The following LUC7L2 variants were observed in gnomAD, a reference collection of about 807,000 sequenced individuals.
LUC7L2 encodes the protein LUC7 like 2, pre-mRNA splicing factor.
Under a neutral mutation model 52.8 loss-of-function variants are expected in LUC7L2, and 25 were observed. The ratio of observed to expected loss-of-function variants is 0.47; its 90% CI spans 0.34 to 0.66. The LOEUF (loss-of-function observed/expected upper bound fraction) is 0.66. LUC7L2 is among the 30% of genes least tolerant of loss of function. LUC7L2 has a pLI of 0.01. For synonymous variants in LUC7L2, 144 were observed against 160.9 expected, an observed-to-expected ratio of 0.89 and a Z score of 0.80; for missense variants, 328 against 497.8, an observed-to-expected ratio of 0.66 and a Z score of 3.25.
At chr7:139,376,834 G>T (rs1290031102) in intron 2 of LUC7L2, among the ~76,000 whole-genome samples, 1 of 152,210 alleles carries the variant, frequency 6.6e-6, no homozygotes, top group Non-Finnish European at 1.5e-5. Context: ...TGGGGAGCTA[G>T]TAGGGGCTAA....
At chr7:139,342,931 G>A (rs1314490956) in intron 1 of LUC7L2, among the ~76,000 whole-genome samples, 1 of 152,160 alleles carries the variant, frequency 6.6e-6, no homozygotes, top group Non-Finnish European at 1.5e-5. Flanking sequence ...TTTCCTTCAG[G>A]CTCACAGCTA....
At chr7:139,374,889 C>T (rs1396572574) in intron 1 of LUC7L2, 1 of 993,620 alleles carries the variant, frequency 1.0e-6, no homozygotes, top group East Asian at 1.1e-4. Context: ...TGTGAAAATA[C>T]AGAAACTAAG....
At chr7:139,392,888 A>G (rs1056472795) in intron 2 of LUC7L2, among the ~76,000 whole-genome samples, 11 of 152,182 alleles carry the variant, frequency 7.2e-5, no homozygotes, top group Non-Finnish European at 1.5e-4. Flanking sequence ...TCCCAACCTC[A>G]GGTGATCTGC....
At chr7:139,414,138 CCTT>C (rs1289022567) in intron 8 of LUC7L2, among the ~76,000 whole-genome samples, 1 of 152,206 alleles carries the variant, frequency 6.6e-6, no homozygotes, top group Non-Finnish European at 1.5e-5. Context: ...TGCCCACCCC[CCTT>C]CTTCACCTCA....
intron 2 of LUC7L2, among the ~76,000 whole-genome samples, chr7:139,381,399 TTTA>T (rs199732403): frequency 0.18 from 19,943 of 113,554 alleles, 3,489 homozygotes; most frequent in African/African-American, 0.54. Context: ...TTTATTTTAT[TTTA>T]TTTTATTTTA....
At chr7:139,402,799 C>T (rs929671143) in intron 4 of LUC7L2, among the ~76,000 whole-genome samples, 3 of 152,208 alleles carry the variant, frequency 2.0e-5, no homozygotes, top group Non-Finnish European at 4.4e-5. Flanking sequence ...GCTGGGATTA[C>T]AGGTGTGAGC....
upstream of LUC7L2, among the ~76,000 whole-genome samples, chr7:139,358,812 G>C (rs1433833205): frequency 6.6e-6 from 1 of 152,008 alleles, no homozygotes; most frequent in Non-Finnish European, 1.5e-5. Context: ...AGCCTCCCGA[G>C]TAGCTGGGGA....
At chr7:139,374,148 C>T (rs1800593944) in intron 1 of LUC7L2, among the ~76,000 whole-genome samples, 1 of 152,120 alleles carries the variant, frequency 6.6e-6, no homozygotes, top group Admixed American at 6.6e-5. Context: ...TTTTTTAAAA[C>T]CCCACTTGGC....
intron 1 of LUC7L2, 134 bp from the exon 2 acceptor site, chr7:139,375,927 TA>T (rs1800684360): frequency 4.8e-6 from 4 of 834,566 alleles, no homozygotes; most frequent in Admixed American, 2.9e-5. Flanking sequence ...AGGATGTATA[TA>T]AAAACTAATC....
upstream of LUC7L2, chr7:139,359,628 C>T (rs991787040): frequency 5.0e-6 from 2 of 396,956 alleles, no homozygotes; most frequent in Non-Finnish European, 8.9e-6. Context: ...GCCATCACCG[C>T]GGGCAGCGCA....
chr7:139,361,481 CT>C (rs1382187341), intron 1 of LUC7L2, among the ~76,000 whole-genome samples: 2 of 152,212 alleles, frequency 1.3e-5, no homozygotes, highest in Non-Finnish European at 2.9e-5. Flanking sequence ...GCATTCAAAT[CT>C]TTCAGCAGTG....
intron 6 of LUC7L2, among the ~76,000 whole-genome samples, chr7:139,408,835 C>CTT (rs1569392486): frequency 1.6e-5 from 2 of 122,352 alleles, no homozygotes; most frequent in East Asian, 4.7e-4. Context: ...GAGCGAGACT[C>CTT]TGTCTCAAAA....
At chr7:139,354,441 A>G (rs1799550258) in intron 1 of LUC7L2, among the ~76,000 whole-genome samples, 1 of 152,138 alleles carries the variant, frequency 6.6e-6, no homozygotes, top group Admixed American at 6.5e-5. Flanking sequence ...GGCTCATTGC[A>G]ACCTCCGCCT....
upstream of LUC7L2, chr7:139,359,585 C>T (rs1191829306): frequency 7.8e-6 from 3 of 383,806 alleles, no homozygotes; most frequent in Non-Finnish European, 1.4e-5. Context: ...CCAGGCTAAC[C>T]TCTAGCGCAT....
At chr7:139,368,640 A>T (rs1270213390) in intron 1 of LUC7L2, among the ~76,000 whole-genome samples, 1 of 149,610 alleles carries the variant, frequency 6.7e-6, no homozygotes, top group African/African-American at 2.5e-5. Flanking sequence ...CGGGAGGCTG[A>T]GGTTGGAGAA....
chr7:139,382,571 C>T (rs1170393248), intron 2 of LUC7L2, among the ~76,000 whole-genome samples: 4 of 151,926 alleles, frequency 2.6e-5, no homozygotes, highest in South Asian at 2.1e-4. Context: ...TTTGTAGAGA[C>T]GAAGTTTCAC....
chr7:139,379,234 G>T lies in LUC7L2; in HGVS notation c.156+3078G>T, dbSNP rs571502460. Among the ~76,000 whole-genome samples, 5 of 152,310 alleles carry T rather than the reference G, an allele frequency of 3.3e-5. No homozygotes were observed. In the East Asian group the frequency reaches 9.7e-4, roughly 29 times the overall value. The stretch of plus-strand genomic sequence containing the variant: ...GAATACAGAAAAGCCAGGCATGGTT[G>T]TACATACTTATAGCCCCAGCTACTT... On this transcript the variant is annotated intron_variant, in intron 2 of 9. Transcript: ENST00000354926.
chr7:139,370,442 A>G (rs1206847496), intron 1 of LUC7L2, among the ~76,000 whole-genome samples: 1 of 152,120 alleles, frequency 6.6e-6, no homozygotes, highest in Admixed American at 6.6e-5. Flanking sequence ...TTGATTCCAC[A>G]TGAAGACACA....
At position 139,405,518 on chromosome 7, in the gene LUC7L2, C is replaced by G. The variant is rs1029025418; in HGVS notation, c.367-126C>G. On this transcript the variant is annotated intron_variant, in intron 4 of 9. Transcript: ENST00000354926. ...CTCAGTAGTTCATTTGGGATACGCT[C>G]AGAAAGCATTCTTTAACCACATACT... 3.9e-5 allele frequency: 48 copies of G among 1,236,090 alleles called. No individual in the cohort carries two copies. In the African/African-American group the frequency reaches 6.2e-4, roughly 16 times the overall value. 76.6% of individuals were successfully genotyped at this position (1,236,090 alleles called of 1,614,324 possible).
Sources: gnomAD v4.1 joint callset for allele counts (sites outside exome capture counted in the v4.1 genomes callset) on GRCh38, gnomAD v4.1.1 for gene constraint, MANE v1.5 for transcripts, NCBI Gene and HGNC (gene_info 2026-07-23, HGNC 2026-07-21) for gene names.